Variants in OTULIN observed in about 807,000 individuals in gnomAD.
The protein encoded by OTULIN is ubiquitin thioesterase otulin.
In OTULIN, 15 loss-of-function variants were observed where a neutral mutation model predicts 39.6. The observed-to-expected ratio is 0.38, with a 90% confidence interval of 0.25 to 0.58. The LOEUF (loss-of-function observed/expected upper bound fraction) is 0.58, where lower values mean the gene tolerates loss of function less well. Among genes scored for constraint, OTULIN ranks in the 20% least tolerant of loss-of-function variants. The probability of loss-of-function intolerance (pLI) is 0.66; values close to 1 mark genes in which losing one functional copy is unlikely to be tolerated. For synonymous variants in OTULIN, 156 were observed against 170.3 expected, an observed-to-expected ratio of 0.92 and a Z score of 0.65; for missense variants, 319 against 445.9, an observed-to-expected ratio of 0.72 and a Z score of 2.56.
chr5:14,686,881 TGAGCACA>T (rs1198835668), intron 4 of OTULIN, among the ~76,000 whole-genome samples: 1 of 152,242 alleles, frequency 6.6e-6, no homozygotes, highest in Non-Finnish European at 1.5e-5. Flanking sequence ...ATGAACTAAG[TGAGCACA>T]GCTCACTTAA....
At chr5:14,687,344 A>C (rs538655090) in intron 4 of OTULIN, among the ~76,000 whole-genome samples, 177 bp from the exon 5 acceptor site, 3 of 152,346 alleles carry the variant, frequency 2.0e-5, no homozygotes, top group Non-Finnish European at 4.4e-5. Context: ...GTACTTTCTA[A>C]GTTCCTGACT....
chr5:14,712,692 T>G, the OTULIN span, among the ~76,000 whole-genome samples: 3 of 152,158 alleles, frequency 2.0e-5, no homozygotes, highest in Admixed American at 6.5e-5. Context: ...CTTCAGCTTT[T>G]CCCCTTTTTT....
chr5:14,665,802 G>T (rs549554098), intron 1 of OTULIN, among the ~76,000 whole-genome samples: 2 of 152,082 alleles, frequency 1.3e-5, no homozygotes, highest in African/African-American at 4.8e-5. Flanking sequence ...CCTAAAAAGG[G>T]GTCCTTTGGA....
chr5:14,703,581 G>A (rs1736855624), downstream of OTULIN, among the ~76,000 whole-genome samples: 1 of 152,102 alleles, frequency 6.6e-6, no homozygotes, highest in South Asian at 2.1e-4. Flanking sequence ...AGATGTCAGG[G>A]GAAAGCATGG....
the OTULIN span, chr5:14,706,266 G>A: frequency 1.4e-4 from 22 of 152,314 alleles, no homozygotes; most frequent in African/African-American, 4.8e-4. Flanking sequence ...ACCTATAAAA[G>A]TGCATATATC....
chr5:14,672,047 C>T (rs887845646), intron 1 of OTULIN, among the ~76,000 whole-genome samples: 2 of 152,120 alleles, frequency 1.3e-5, no homozygotes, highest in Non-Finnish European at 2.9e-5. Context: ...AGTCTAATTC[C>T]TGGGTCCCCA....
At chr5:14,701,938 G>C (rs971730872), downstream of OTULIN, among the ~76,000 whole-genome samples, 1 of 152,162 alleles carries the variant, frequency 6.6e-6, no homozygotes, top group East Asian at 1.9e-4. Flanking sequence ...GCTGAGAATG[G>C]GTGTGTGGGT....
the OTULIN span, chr5:14,712,858 G>A: frequency 3.3e-5 from 52 of 1,588,620 alleles, no homozygotes; most frequent in South Asian, 2.9e-4. Context: ...GGAGGCTCCC[G>A]GCGCGGCTGT....
At chr5:14,705,319 A>G in the OTULIN span, 1 of 152,218 alleles carries the variant, frequency 6.6e-6, no homozygotes, top group Non-Finnish European at 1.5e-5. Context: ...GCTAATGTTC[A>G]GATCTGAAAT....
rs1170002584 is a variant in OTULIN, at chr5:14,697,800, CAGTACA to C, written c.*4755_*4760del. ...GAAATGAAACTGCCAAAACATCGAT[CAGTACA>C]AGGAAGGGACACAGGGCTTAAAATG... On this transcript the variant is annotated 3_prime_UTR_variant, in exon 7 of 7. Coordinates refer to ENST00000284274, the MANE Select transcript of OTULIN (RefSeq NM_138348.6). The C allele has an allele frequency of 7.2e-5, 11 of 152,172 alleles. No individual in the cohort carries two copies. The highest frequency in any genetic ancestry group is 2.7e-4 in the African/African-American group (11 of 41,440). 9.4% of individuals were successfully genotyped at this position (152,172 alleles called of 1,614,324 possible). A position where few individuals can be genotyped will look rare whatever the true frequency, so the allele number is the denominator to read the frequency against.
the OTULIN span, among the ~76,000 whole-genome samples, chr5:14,711,784 T>G: frequency 6.6e-6 from 1 of 152,240 alleles, no homozygotes; most frequent in East Asian, 1.9e-4. Flanking sequence ...CCTGTCCTAG[T>G]TCCTGGTCAC....
chr5:14,682,543 G>A (rs1004276549), intron 4 of OTULIN, among the ~76,000 whole-genome samples: 4 of 152,032 alleles, frequency 2.6e-5, no homozygotes, highest in African/African-American at 9.7e-5. Flanking sequence ...TGAAAGTCTT[G>A]TGCTTAAATT....
intron 1 of OTULIN, among the ~76,000 whole-genome samples, chr5:14,670,155 TG>T (rs1735945363): frequency 6.6e-6 from 1 of 152,210 alleles, no homozygotes; most frequent in Non-Finnish European, 1.5e-5. Context: ...ATGTGTGATC[TG>T]GTGATCACCT....
At chr5:14,680,333 A>T (rs972433652) in intron 3 of OTULIN, among the ~76,000 whole-genome samples, 1 of 152,190 alleles carries the variant, frequency 6.6e-6, no homozygotes, top group African/African-American at 2.4e-5. Context: ...TTAAAACATC[A>T]TCCTATGACT....
rs958221361 is a variant in OTULIN at position 14,695,196 on chromosome 5, G to A, written c.*2148G>A. The A allele has an allele frequency of 2.0e-5, 3 of 152,212 alleles. No homozygotes were observed. The highest frequency in any genetic ancestry group is 7.2e-5 in the African/African-American group (3 of 41,458). 9.4% of individuals were successfully genotyped at this position (152,212 alleles called of 1,614,324 possible). A position where few individuals can be genotyped will look rare whatever the true frequency, so the allele number is the denominator to read the frequency against. Reference sequence around the variant, plus strand: ...CTTGTTTAGGTTTAGTGTGATCATGGCGTCAGAGAAGCAAAGCTTTCAAAT... The same window carrying A: ...CTTGTTTAGGTTTAGTGTGATCATGACGTCAGAGAAGCAAAGCTTTCAAAT... On this transcript the variant is annotated 3_prime_UTR_variant, in exon 7 of 7. Coordinates refer to ENST00000284274, the MANE Select transcript of OTULIN (RefSeq NM_138348.6).
intron 1 of OTULIN, among the ~76,000 whole-genome samples, chr5:14,672,342 A>AGACT (rs1446468168): frequency 1.3e-5 from 2 of 152,086 alleles, no homozygotes; most frequent in African/African-American, 4.8e-5. Context: ...GGGACATGTG[A>AGACT]GACTTCCTTC....
At chr5:14,704,209 AGTCCCAG>A (rs1736872210), downstream of OTULIN, among the ~76,000 whole-genome samples, 2 of 151,714 alleles carry the variant, frequency 1.3e-5, no homozygotes, top group Non-Finnish European at 2.9e-5. Flanking sequence ...GTGTGCCTAT[AGTCCCAG>A]CTACTCGGGA....
At position 14,693,134 on chromosome 5, in the gene OTULIN, A is replaced by G; in HGVS notation, c.*86A>G. On this transcript the variant is annotated 3_prime_UTR_variant, in exon 7 of 7. Transcript: ENST00000284274. ...TGGGCTGCAGGTTTGGGGGTCTCTA[A>G]GAACAATCTCTGAGAAGAACCCTTG... 4.5e-6 allele frequency: 6 copies of G among 1,329,906 alleles called. No individual in the cohort carries two copies. The highest frequency in any genetic ancestry group is 6.2e-6 in the Non-Finnish European group (6 of 973,734). 82.4% of individuals were successfully genotyped at this position (1,329,906 alleles called of 1,614,324 possible).
the OTULIN span, among the ~76,000 whole-genome samples, chr5:14,714,149 C>A: frequency 6.6e-6 from 1 of 152,238 alleles, no homozygotes; most frequent in Non-Finnish European, 1.5e-5. Flanking sequence ...AGCTGCTCGT[C>A]CCCACTTCCC....
Sources: allele counts gnomAD v4.1 joint callset (sites outside exome capture counted in the v4.1 genomes callset), GRCh38; gene constraint gnomAD v4.1.1; transcripts MANE v1.5; gene names NCBI Gene and HGNC (gene_info 2026-07-23, HGNC 2026-07-21).